Variants in SBF1 observed in about 807,000 individuals in gnomAD.
SBF1 encodes the protein SET binding factor 1, also known as myotubularin-related protein 5.
A neutral mutation model predicts 215.8 loss-of-function variants in SBF1; 65 were observed. The ratio of observed to expected loss-of-function variants is 0.30; its 90% CI spans 0.25 to 0.37. The LOEUF is 0.37. Among genes scored for constraint, SBF1 ranks in the 10% least tolerant of loss-of-function variants. The pLI, the probability that SBF1 is intolerant of heterozygous loss-of-function variation, is 1.00. For missense variants in SBF1, 2,634 were observed against 2,667.8 expected, an observed-to-expected ratio of 0.99 and a Z score of 0.28; for synonymous variants, 1,410 against 1,122.8, an observed-to-expected ratio of 1.26 and a Z score of -5.11.
intron 11 of SBF1, 25 bp from the exon 12 acceptor site, chr22:50,465,154 C>G: frequency 6.2e-7 from 1 of 1,613,858 alleles, no homozygotes; most frequent in East Asian, 2.2e-5. Context: ...GAGGTCGGTC[C>G]CTCAGGGGTC....
intron 1 of SBF1, among the ~76,000 whole-genome samples, chr22:50,473,142 C>T (rs886473723): frequency 2.6e-5 from 4 of 152,174 alleles, no homozygotes; most frequent in East Asian, 1.9e-4. Context: ...CCTCACCCCA[C>T]GGCCACCACG....
At chr22:50,451,809 T>G (rs1032966233) in intron 36 of SBF1, among the ~76,000 whole-genome samples, 1 of 151,710 alleles carries the variant, frequency 6.6e-6, no homozygotes, top group African/African-American at 2.4e-5. Context: ...TTTTTTTTTT[T>G]TTTTGAGGCA....
At chr22:50,470,788 G>A (rs546330286) in intron 1 of SBF1, among the ~76,000 whole-genome samples, 54 of 152,294 alleles carry the variant, frequency 3.5e-4, no homozygotes, top group African/African-American at 1.1e-3. Flanking sequence ...TTCCTCAGTC[G>A]GAAGTACAGG....
At chr22:50,455,196 C>T (rs751204282) in intron 33 of SBF1, 28 bp downstream of exon 33, 11 of 1,612,678 alleles carry the variant, frequency 6.8e-6, no homozygotes, top group East Asian at 2.2e-5. Context: ...TGCACAGTCC[C>T]GGCCCACCCA....
rs750848374 is a variant in SBF1, at chr22:50,455,128, G to A, written c.4569C>T (p.Phe1523=). The change falls in exon 34 of 41, where the codon TTC becomes TTT. Residue 1523 remains phenylalanine (F), a synonymous_variant. Coordinates refer to ENST00000380817, the MANE Select transcript of SBF1 (RefSeq NM_002972.4). ...ACTGGCTGAACTCAAACTCCATGGG[G>A]AACTGCAGGTGGACCTGCACGCCAT... The part of the protein sequence containing the change: ...LDCVHQVHLQ[F]PMEFEFSQFY... 32 of 1,613,982 alleles carry A rather than the reference G, an allele frequency of 2.0e-5. 1 individual carries two copies. The South Asian group carries it at 2.4e-4, about 12-fold the overall frequency.
At chr22:50,455,174 C>T (rs777927939) in intron 33 of SBF1, 32 bp from the exon 34 acceptor site, 1 of 1,613,868 alleles carries the variant, frequency 6.2e-7, no homozygotes, top group East Asian at 2.2e-5. Flanking sequence ...GGCCAGGGCT[C>T]AGCGGTCAGG....
chr22:50,472,687 A>C (rs1435373880), intron 1 of SBF1, among the ~76,000 whole-genome samples: 1 of 152,182 alleles, frequency 6.6e-6, no homozygotes, highest in African/African-American at 2.4e-5. Flanking sequence ...CAAGGCTATC[A>C]AGGGGCAAAG....
intron 1 of SBF1, among the ~76,000 whole-genome samples, chr22:50,470,272 G>C (rs1156600128): frequency 5.9e-5 from 9 of 152,164 alleles, no homozygotes; most frequent in Admixed American, 5.9e-4. Flanking sequence ...TATGAACAGG[G>C]ACAGCAGTCT....
chr22:50,469,880 G>A (rs1169200238), intron 1 of SBF1, among the ~76,000 whole-genome samples: 1 of 152,192 alleles, frequency 6.6e-6, no homozygotes, highest in Non-Finnish European at 1.5e-5. Context: ...CTGCCCTCCA[G>A]GGTTACAGGG....
chr22:50,464,049 G>A (rs1382561935), intron 15 of SBF1, among the ~76,000 whole-genome samples: 1 of 152,230 alleles, frequency 6.6e-6, no homozygotes, highest in Non-Finnish European at 1.5e-5. Context: ...AATTTAAGGG[G>A]AAGGACACAG....
intron 1 of SBF1, among the ~76,000 whole-genome samples, chr22:50,469,622 C>T (rs1008339971): frequency 1.8e-4 from 27 of 152,196 alleles, no homozygotes; most frequent in African/African-American, 6.5e-4. Context: ...ACACAAACCG[C>T]AGGTCCCCAG....
At chr22:50,460,775 AC>A in intron 23 of SBF1, 63 bp from the exon 24 acceptor site, 1 of 1,532,454 alleles carries the variant, frequency 6.5e-7, no homozygotes, top group Admixed American at 1.7e-5. Flanking sequence ...CCCAACTCTG[AC>A]ACTGCCAGGC....
rs551437073 is a variant in SBF1 at position 50,466,706 on chromosome 22, G to A, written c.554C>T (p.Thr185Met). 119 of 1,528,040 alleles carry A rather than the reference G, an allele frequency of 7.8e-5. No homozygotes were observed. The highest frequency in any genetic ancestry group is 1.5e-4 in the Admixed American group (7 of 47,992). 94.7% of individuals were successfully genotyped at this position (1,528,040 alleles called of 1,614,324 possible). A position where few individuals can be genotyped will look rare whatever the true frequency, so the allele number is the denominator to read the frequency against. The change falls in exon 6 of 41, where the codon ACG becomes ATG. Residue 185 changes from threonine to methionine, a missense_variant. Coordinates refer to ENST00000380817, the MANE Select transcript of SBF1 (RefSeq NM_002972.4). The stretch of plus-strand genomic sequence containing the variant: ...CCGGTCACCAGCCCCCAAAGAGATC[G>A]TCCTCTGCAGCAAAAAAAGGATCGG... ...TVPLAGGSQR[T>M]ISLGAGDRQV...
chr22:50,452,250 G>C lies in SBF1; in HGVS notation c.5043+2262C>G, dbSNP rs74475428. Among the ~76,000 whole-genome samples, 366 of 151,998 alleles carry C rather than the reference G, an allele frequency of 2.4e-3. 4 individuals carry two copies. The highest frequency in any genetic ancestry group is 7.5e-3 in the East Asian group (39 of 5,182). On this transcript the variant is annotated intron_variant, in intron 36 of 40. Coordinates refer to ENST00000380817, the MANE Select transcript of SBF1 (RefSeq NM_002972.4). ...AGATGTTTTCAGATAAACAAAAGCTGAGGGGATTTGTGACTGGCAGCTCTG... is the reference window on the plus strand; with the variant it reads ...AGATGTTTTCAGATAAACAAAAGCTCAGGGGATTTGTGACTGGCAGCTCTG...
rs745501300 is a variant in SBF1, at chr22:50,459,346, C to T, written c.3735G>A (p.Leu1245=). Residue 1245 remains leucine, a synonymous_variant, in exon 28 of 41, where the codon CTG becomes CTA. Coordinates refer to ENST00000380817, the MANE Select transcript of SBF1 (RefSeq NM_002972.4). ...GGGGCATGGAGCTGACCACAGCCTG[C>T]AGGTACTTCTCCTGCTCCAGGCTAC... is the stretch of plus-strand genomic sequence containing the variant. ...DSSSLEQEKY[L]QAVVSSMPRY... The T allele has an allele frequency of 3.7e-6, 6 of 1,612,812 alleles. No homozygotes were observed. Among genetic ancestry groups the T allele is most frequent in the Middle Eastern group, 1.7e-4 (1 of 6,050 alleles).
Position 50,462,703 on chromosome 22 carries a change from C to G in SBF1, c.1983G>C (p.Gly661=). 1 of 1,611,742 alleles carries G rather than the reference C, an allele frequency of 6.2e-7. No homozygotes were observed. Among genetic ancestry groups the G allele is most frequent in the Non-Finnish European group, 8.5e-7 (1 of 1,179,310 alleles). ...CACAGCTGTATGCAAACTGCGTCACCCCCGGGCTCAGCTTCTGCAGGAGCC... is the reference window on the plus strand; with the variant it reads ...CACAGCTGTATGCAAACTGCGTCACGCCCGGGCTCAGCTTCTGCAGGAGCC... ...VTAFCRKLSP[G]VTQFAYSCVQ... is the part of the protein sequence containing the mutation. Residue 661 remains glycine (G), a synonymous_variant, in exon 18 of 41, where the codon GGG becomes GGC. Transcript: ENST00000380817.
rs774932394 is a variant in SBF1, at chr22:50,462,266, G to C, written c.2335C>G (p.Leu779Val). ...LPLDSSKSRL[L>V]RERAGLGDLE... is the part of the protein sequence containing the mutation. The stretch of plus-strand genomic sequence containing the variant: ...TCGCCCAGCCCGGCACGCTCCCGAA[G>C]TAGGCGGCTCTTGCTGCTGTCCAGG... The change falls in exon 19 of 41, where the codon CTT becomes GTT. Residue 779 changes from leucine (L) to valine (V), a missense_variant. Coordinates refer to ENST00000380817, the MANE Select transcript of SBF1 (RefSeq NM_002972.4). The C allele has an allele frequency of 4.3e-6, 7 of 1,611,680 alleles. No homozygotes were observed. In the African/African-American group the frequency reaches 6.7e-5, roughly 15 times the overall value.
At chr22:50,452,723 CAAAAAAAAAA>C (rs57951967) in intron 36 of SBF1, among the ~76,000 whole-genome samples, 2 of 39,542 alleles carry the variant, frequency 5.1e-5, no homozygotes, top group Non-Finnish European at 8.0e-5. Context: ...CTCCATCTCT[CAAAAAAAAAA>C]AAAAAAAAAA....
rs757215868 is a variant in SBF1, at chr22:50,454,522, C to T, written c.5033G>A (p.Arg1678His). 5.6e-6 allele frequency: 9 copies of T among 1,609,158 alleles called. No homozygotes were observed. Among genetic ancestry groups the T allele is most frequent in the Middle Eastern group, 1.7e-4 (1 of 6,054 alleles). Residue 1678 changes from arginine to histidine, a missense_variant, in exon 36 of 41, where the codon CGC (arginine) becomes CAC (histidine). By Grantham distance (29) the Arg-to-His change is conservative. Transcript: ENST00000380817. The part of the protein sequence containing the change: ...CPRAQPDAIS[R>H]LLEELQRLET... ...TGGGATCACACGCACCTCCAGCAGG[C>T]GTGAGATGGCGTCAGGCTGGGCCCG...
Sources: gnomAD v4.1 joint callset for allele counts (sites outside exome capture counted in the v4.1 genomes callset) on GRCh38, gnomAD v4.1.1 for gene constraint, MANE v1.5 for transcripts, NCBI Gene and HGNC (gene_info 2026-07-23, HGNC 2026-07-21) for gene names.